EVI5: variants seen among roughly 807,000 people sequenced by gnomAD.
The protein encoded by EVI5 is ecotropic viral integration site 5 protein homolog.
In EVI5, 73 loss-of-function variants were observed where a neutral mutation model predicts 112.0. That is an observed-to-expected ratio of 0.65 (90% CI 0.54 to 0.79). EVI5 has a LOEUF of 0.79. EVI5 is among the 30% of genes least tolerant of loss of function. The pLI is 0.00. For synonymous variants in EVI5, 305 were observed against 319.9 expected, an observed-to-expected ratio of 0.95 and a Z score of 0.50; for missense variants, 900 against 968.8, an observed-to-expected ratio of 0.93 and a Z score of 0.94.
At chr1:92,760,498 G>T (rs1039011666) in intron 1 of EVI5, among the ~76,000 whole-genome samples, 1 of 152,160 alleles carries the variant, frequency 6.6e-6, no homozygotes. Context: ...CTGGGAGGCT[G>T]AGGCGGGAGG....
At chr1:92,656,403 G>C (rs1378944432) in intron 13 of EVI5, among the ~76,000 whole-genome samples, 1 of 152,018 alleles carries the variant, frequency 6.6e-6, no homozygotes, top group Non-Finnish European at 1.5e-5. Context: ...GCAGCACCAA[G>C]TGGGAAGTCT....
At chr1:92,566,328 G>A (rs1208549719) in intron 18 of EVI5, among the ~76,000 whole-genome samples, 9 of 152,142 alleles carry the variant, frequency 5.9e-5, no homozygotes, top group Admixed American at 2.6e-4. Flanking sequence ...GGTCAATGAC[G>A]GAATGAATAC....
intron 1 of EVI5, among the ~76,000 whole-genome samples, chr1:92,741,597 C>A (rs917106287): frequency 6.6e-6 from 1 of 152,098 alleles, no homozygotes; most frequent in South Asian, 2.1e-4. Context: ...AAAACTGGTA[C>A]AATTCAGAAA....
At chr1:92,585,852 G>GT (rs74771891) in intron 18 of EVI5, among the ~76,000 whole-genome samples, 12,221 of 140,548 alleles carry the variant, frequency 0.087, 574 homozygotes, top group Non-Finnish European at 0.11. Context: ...TTTTTAACCT[G>GT]TTTTTTTTTT....
At chr1:92,646,580 A>G (rs1016168523) in intron 13 of EVI5, among the ~76,000 whole-genome samples, 2 of 152,232 alleles carry the variant, frequency 1.3e-5, no homozygotes, top group African/African-American at 4.8e-5. Context: ...CCACAGGCTC[A>G]GCGCCAAGAA....
At chr1:92,543,103 A>G (rs1449315907) in intron 19 of EVI5, among the ~76,000 whole-genome samples, 3 of 152,322 alleles carry the variant, frequency 2.0e-5, no homozygotes. Context: ...GAAGCCAGAT[A>G]TTGACTTCTC....
At chr1:92,704,380 C>T (rs933410158) in intron 3 of EVI5, among the ~76,000 whole-genome samples, 175 bp downstream of exon 3, 1 of 152,118 alleles carries the variant, frequency 6.6e-6, no homozygotes, top group Non-Finnish European at 1.5e-5. Context: ...TCTGTAACAA[C>T]TGATGTCTAC....
chr1:92,666,974 C>T (rs1665020837), intron 10 of EVI5, among the ~76,000 whole-genome samples: 1 of 152,080 alleles, frequency 6.6e-6, no homozygotes, highest in Non-Finnish European at 1.5e-5. Flanking sequence ...CTAAAAAATG[C>T]ACGTTCATAG....
chr1:92,602,818 C>CA (rs1010791618), intron 18 of EVI5, among the ~76,000 whole-genome samples: 6 of 150,744 alleles, frequency 4.0e-5, no homozygotes, highest in Non-Finnish European at 5.9e-5. Context: ...TCAACACCAC[C>CA]AAAAAAAACA....
chr1:92,593,441 T>C (rs539700645), intron 18 of EVI5, among the ~76,000 whole-genome samples: 31 of 152,300 alleles, frequency 2.0e-4, no homozygotes, highest in African/African-American at 7.5e-4. Context: ...GAGCTATCTA[T>C]GACAAACCCA....
At chr1:92,594,196 T>C (rs1159911731) in intron 18 of EVI5, among the ~76,000 whole-genome samples, 1 of 152,150 alleles carries the variant, frequency 6.6e-6, no homozygotes, top group African/African-American at 2.4e-5. Context: ...CAAAACAGCA[T>C]GGTACTGGTA....
intron 2 of EVI5, among the ~76,000 whole-genome samples, chr1:92,710,417 C>T (rs1261969233): frequency 6.6e-6 from 1 of 152,102 alleles, no homozygotes; most frequent in Non-Finnish European, 1.5e-5. Context: ...TCATAATCTC[C>T]TTCTAACACA....
At chr1:92,582,838 T>C (rs1656669139) in intron 18 of EVI5, among the ~76,000 whole-genome samples, 3 of 152,096 alleles carry the variant, frequency 2.0e-5, no homozygotes, top group African/African-American at 7.2e-5. Flanking sequence ...TATAAATTCA[T>C]AAAGAATAAA....
intron 13 of EVI5, among the ~76,000 whole-genome samples, chr1:92,645,366 A>G (rs1337466535): frequency 6.6e-6 from 1 of 151,728 alleles, no homozygotes; most frequent in East Asian, 1.9e-4. Context: ...CATCCTTTTA[A>G]TTTTTTTCCA....
intron 18 of EVI5, among the ~76,000 whole-genome samples, chr1:92,588,692 G>C (rs761486818): frequency 2.0e-5 from 3 of 152,126 alleles, no homozygotes; most frequent in Non-Finnish European, 2.9e-5. Flanking sequence ...ACTAATCCAG[G>C]TAGTGTTTAG....
Position 92,561,654 on chromosome 1 carries a change from TATCTATCTATCA to T in EVI5, c.2166+1976_2166+1987del, listed in dbSNP as rs1462187137. Among the ~76,000 whole-genome samples the T allele has an allele frequency of 6.6e-3, 966 of 146,300 alleles. 2 individuals carry two copies. The highest frequency in any genetic ancestry group is 8.0e-3 in the African/African-American group (314 of 39,122). On this transcript the variant is annotated intron_variant, in intron 19 of 19. Coordinates refer to ENST00000684568, the MANE Select transcript of EVI5 (RefSeq NM_001350197.2). ...CTATCTATCTATCTATCTATCTATCTATCTATCTATCAGAGTCTCACTCTGCTGCCTGGAGTG... is the reference window on the plus strand; with the variant it reads ...CTATCTATCTATCTATCTATCTATCTGAGTCTCACTCTGCTGCCTGGAGTG...
Position 92,607,624 on chromosome 1 carries a change from T to TGA in EVI5, c.1929_1930dup (p.Gln644LeufsTer3). On this transcript the variant is annotated frameshift_variant, in exon 17 of 20. Coordinates refer to ENST00000684568, the MANE Select transcript of EVI5 (RefSeq NM_001350197.2). LOFTEE classifies it high-confidence loss of function. ...TTGTTTACGCTTTGCTTCACTTAAT[T>TGA]GAGTAAGGAGTCCTTTGTTCTGTGC... The TGA allele has an allele frequency of 6.2e-7, 1 of 1,603,442 alleles. No homozygotes were observed. Among genetic ancestry groups the TGA allele is most frequent in the Non-Finnish European group, 8.5e-7 (1 of 1,176,708 alleles).
intron 19 of EVI5, among the ~76,000 whole-genome samples, chr1:92,522,364 G>A (rs187871373): frequency 5.9e-5 from 9 of 152,204 alleles, no homozygotes; most frequent in Admixed American, 6.5e-5. Flanking sequence ...TTTGCCAGGC[G>A]TGGTGGCTCG....
intron 11 of EVI5, among the ~76,000 whole-genome samples, chr1:92,665,555 G>T (rs1664752288): frequency 1.3e-5 from 2 of 152,110 alleles, no homozygotes; most frequent in African/African-American, 4.8e-5. Context: ...GGCCTTAAAG[G>T]AATCACTGCC....
Sources: allele counts gnomAD v4.1 joint callset (sites outside exome capture counted in the v4.1 genomes callset), GRCh38; gene constraint gnomAD v4.1.1; transcripts MANE v1.5; gene names NCBI Gene and HGNC (gene_info 2026-07-23, HGNC 2026-07-21).